The following FCHSD2 variants were observed in gnomAD, a reference collection of about 807,000 sequenced individuals.
FCHSD2 encodes F-BAR and double SH3 domains protein 2.
In FCHSD2, 38 loss-of-function variants were observed where a neutral mutation model predicts 108.1. The observed-to-expected ratio is 0.35, with a 90% confidence interval of 0.27 to 0.46. The LOEUF (loss-of-function observed/expected upper bound fraction) is 0.46, where lower values mean the gene tolerates loss of function less well. Among genes scored for constraint, FCHSD2 ranks in the 20% least tolerant of loss-of-function variants. The probability of loss-of-function intolerance (pLI) is 1.00; values close to 1 mark genes in which losing one functional copy is unlikely to be tolerated. For synonymous variants in FCHSD2, 279 were observed against 314.7 expected, an observed-to-expected ratio of 0.89 and a Z score of 1.20; for missense variants, 751 against 897.8, an observed-to-expected ratio of 0.84 and a Z score of 2.09.
intron 12 of FCHSD2, among the ~76,000 whole-genome samples, chr11:72,881,046 T>C (rs181009649): frequency 6.6e-6 from 1 of 152,200 alleles, no homozygotes; most frequent in Admixed American, 6.5e-5. Context: ...TACATTAAAT[T>C]AAAAACTCTA....
At chr11:73,045,238 G>C (rs1315575322) in intron 3 of FCHSD2, among the ~76,000 whole-genome samples, 6 of 151,910 alleles carry the variant, frequency 3.9e-5, no homozygotes, top group African/African-American at 1.5e-4. Context: ...ACACCAGTTA[G>C]AATGGCGATC....
In FCHSD2 at chr11:72,921,860, T is replaced by C; in HGVS notation, c.796A>G (p.Thr266Ala). 2 of 1,610,910 alleles carry C rather than the reference T, an allele frequency of 1.2e-6. No homozygotes were observed. Among genetic ancestry groups the C allele is most frequent in the Non-Finnish European group, 1.7e-6 (2 of 1,178,226 alleles). Residue 266 changes from threonine (T) to alanine (A), a missense_variant, in exon 9 of 20, where the codon ACA (threonine) becomes GCA (alanine). Coordinates refer to ENST00000409418, the MANE Select transcript of FCHSD2 (RefSeq NM_014824.3). ...ELETCQAVQN[T>A]FQFLLENSSK... ...GAGTTTTCTAATAAAAACTGGAATGTGTTCTGCACAGCTTGGCATGTTTCT... is the reference window on the plus strand; with the variant it reads ...GAGTTTTCTAATAAAAACTGGAATGCGTTCTGCACAGCTTGGCATGTTTCT...
chr11:73,135,066 C>T (rs1262993827), intron 2 of FCHSD2, among the ~76,000 whole-genome samples: 2 of 152,200 alleles, frequency 1.3e-5, no homozygotes, highest in African/African-American at 4.8e-5. Context: ...GTTGGCCAGG[C>T]TGGTCTCGAA....
intron 3 of FCHSD2, among the ~76,000 whole-genome samples, chr11:73,020,739 A>G (rs1449132815): frequency 6.6e-6 from 1 of 152,006 alleles, no homozygotes; most frequent in Non-Finnish European, 1.5e-5. Flanking sequence ...TAATTTCATG[A>G]CGAAATGAAA....
chr11:72,991,714 T>G (rs1285326685), intron 5 of FCHSD2, among the ~76,000 whole-genome samples: 1 of 152,176 alleles, frequency 6.6e-6, no homozygotes, highest in Non-Finnish European at 1.5e-5. Context: ...TCAACAACGC[T>G]TCATTCTAAA....
At chr11:73,073,745 A>G (rs899924276) in intron 3 of FCHSD2, among the ~76,000 whole-genome samples, 18 of 152,362 alleles carry the variant, frequency 1.2e-4, no homozygotes, top group Non-Finnish European at 2.4e-4. Flanking sequence ...CCATAATGCC[A>G]TATAAGTGGC....
rs190616605 is a variant in FCHSD2, at chr11:73,024,657, G to C, written c.166-8772C>G. On this transcript the variant is annotated intron_variant, in intron 3 of 19. Coordinates refer to ENST00000409418, the MANE Select transcript of FCHSD2 (RefSeq NM_014824.3). ...TTGACAAATGGGATCTAATTAAACT[G>C]AAGAGCTTCTGCACATCAAAAGAAA... Among the ~76,000 whole-genome samples the C allele has an allele frequency of 4.7e-3, 709 of 152,032 alleles. 2 individuals carry two copies. The highest frequency in any genetic ancestry group is 0.017 in the African/African-American group (685 of 41,482).
At chr11:73,130,479 C>G (rs1048384882) in intron 2 of FCHSD2, among the ~76,000 whole-genome samples, 1 of 152,206 alleles carries the variant, frequency 6.6e-6, no homozygotes, top group African/African-American at 2.4e-5. Context: ...AGGAGAGTAT[C>G]CTCTATTCAT....
chr11:72,977,104 T>C (rs1367714422), intron 8 of FCHSD2, among the ~76,000 whole-genome samples: 2 of 152,098 alleles, frequency 1.3e-5, no homozygotes, highest in Non-Finnish European at 2.9e-5. Context: ...TTTGTATTTT[T>C]AGTAGAGACA....
chr11:73,016,964 T>G lies in FCHSD2; in HGVS notation c.166-1079A>C, dbSNP rs144311226. 3.3e-3 allele frequency among the ~76,000 whole-genome samples: 503 copies of G among 152,258 alleles called. 4 individuals carry two copies. The highest frequency in any genetic ancestry group is 0.012 in the African/African-American group (490 of 41,546). On this transcript the variant is annotated intron_variant, in intron 3 of 19. Transcript: ENST00000409418. The stretch of plus-strand genomic sequence containing the variant: ...CCAATTATACAATGTATTATGTTTG[T>G]TTTTTTGCTTGTTTGTTTTCGTTCG...
intron 4 of FCHSD2, among the ~76,000 whole-genome samples, chr11:73,009,424 G>A (rs1412541019): frequency 6.6e-6 from 1 of 152,164 alleles, no homozygotes; most frequent in Admixed American, 6.5e-5. Context: ...TTGAACCTGG[G>A]AGGTGGAGGT....
At chr11:73,077,249 A>T (rs1241048170) in intron 3 of FCHSD2, among the ~76,000 whole-genome samples, 1 of 152,118 alleles carries the variant, frequency 6.6e-6, no homozygotes, top group Non-Finnish European at 1.5e-5. Flanking sequence ...AAATCAATAA[A>T]ATATTTGAAC....
chr11:72,850,566 G>A (rs1317401588), intron 13 of FCHSD2, among the ~76,000 whole-genome samples: 2 of 151,070 alleles, frequency 1.3e-5, no homozygotes, highest in East Asian at 2.0e-4. Flanking sequence ...TGTTAGCCAC[G>A]ATGGTCTCGA....
At chr11:72,976,984 G>A (rs1712326252) in intron 8 of FCHSD2, among the ~76,000 whole-genome samples, 2 of 151,202 alleles carry the variant, frequency 1.3e-5, no homozygotes, top group Admixed American at 1.3e-4. Context: ...GGAGTGCAGT[G>A]GCATGATCTC....
At chr11:73,015,587 A>C (rs971978544) in intron 4 of FCHSD2, among the ~76,000 whole-genome samples, 16 of 152,178 alleles carry the variant, frequency 1.1e-4, no homozygotes, top group African/African-American at 3.6e-4. Context: ...ATCTTGGCTT[A>C]TATAAGACAT....
At chr11:72,905,675 G>A (rs1855614339) in intron 9 of FCHSD2, among the ~76,000 whole-genome samples, 1 of 151,940 alleles carries the variant, frequency 6.6e-6, no homozygotes, top group Admixed American at 6.6e-5. Flanking sequence ...ATCTATGAGT[G>A]AGAACATGCA....
intron 8 of FCHSD2, among the ~76,000 whole-genome samples, chr11:72,932,261 A>G (rs1438843441): frequency 6.6e-6 from 1 of 152,180 alleles, no homozygotes; most frequent in Non-Finnish European, 1.5e-5. Context: ...AGATTATTGC[A>G]GCAATCTTCT....
At chr11:72,974,640 C>G (rs1857072623) in intron 8 of FCHSD2, among the ~76,000 whole-genome samples, 2 of 152,084 alleles carry the variant, frequency 1.3e-5, no homozygotes, top group East Asian at 1.9e-4. Context: ...GACTGAGAAA[C>G]AGAATTTTAA....
chr11:72,892,434 T>A (rs985681425), intron 10 of FCHSD2, among the ~76,000 whole-genome samples: 9 of 152,208 alleles, frequency 5.9e-5, no homozygotes, highest in African/African-American at 1.9e-4. Context: ...ATGGAATACA[T>A]GTGGAAGCTC....
Sources: gnomAD v4.1 joint callset for allele counts (sites outside exome capture counted in the v4.1 genomes callset) on GRCh38, gnomAD v4.1.1 for gene constraint, MANE v1.5 for transcripts, NCBI Gene and HGNC (gene_info 2026-07-23, HGNC 2026-07-21) for gene names.